NAV3: variants seen among roughly 807,000 people sequenced by gnomAD.
NAV3 encodes pore membrane and/or filament interacting like protein 1.
A neutral mutation model predicts 244.7 loss-of-function variants in NAV3; 87 were observed. The observed-to-expected ratio is 0.36, with a 90% CI of 0.30 to 0.42. The LOEUF is 0.42. Among genes scored for constraint, NAV3 ranks in the 20% least tolerant of loss-of-function variants. The probability of loss-of-function intolerance (pLI) is 1.00; values close to 1 mark genes in which losing one functional copy is unlikely to be tolerated. For missense variants in NAV3, 2,663 were observed against 2,893.3 expected (o/e 0.92, Z 1.83); for synonymous variants, 1,126 against 1,042.2 (o/e 1.08, Z -1.55).
intron 2 of NAV3, among the ~76,000 whole-genome samples, chr12:77,805,941 A>G (rs1366048666): frequency 1.3e-5 from 2 of 152,078 alleles, no homozygotes; most frequent in Admixed American, 6.6e-5. Context: ...TAGATTTTCT[A>G]GTTTATTTGT....
At chr12:77,729,247 T>C (rs755182106) in intron 2 of NAV3, among the ~76,000 whole-genome samples, 4 of 151,960 alleles carry the variant, frequency 2.6e-5, no homozygotes, top group African/African-American at 4.8e-5. Flanking sequence ...AAGAGAGACC[T>C]AGGCTTGGTA....
chr12:77,877,486 G>T (rs956983442), intron 1 of NAV3, among the ~76,000 whole-genome samples: 1 of 151,992 alleles, frequency 6.6e-6, no homozygotes, highest in Non-Finnish European at 1.5e-5. Flanking sequence ...GTAACAAATA[G>T]CTTGACTGGA....
intron 19 of NAV3, 85 bp from the exon 20 acceptor site, chr12:78,140,197 C>A: frequency 9.3e-7 from 1 of 1,080,728 alleles, no homozygotes; most frequent in Non-Finnish European, 1.4e-6. Context: ...TCCCTAACCA[C>A]CCGTTCTTTA....
chr12:77,891,255 A>G (rs1393498101), intron 1 of NAV3, among the ~76,000 whole-genome samples: 1 of 149,452 alleles, frequency 6.7e-6, no homozygotes, highest in Non-Finnish European at 1.5e-5. Flanking sequence ...AGATAAATAC[A>G]TTTATAAAGA....
At chr12:78,053,191 G>A (rs1883008381) in intron 11 of NAV3, among the ~76,000 whole-genome samples, 2 of 151,070 alleles carry the variant, frequency 1.3e-5, no homozygotes, top group Non-Finnish European at 2.9e-5. Flanking sequence ...ACTCCAGCCT[G>A]GGTGACAGAG....
intron 34 of NAV3, 147 bp downstream of exon 34, chr12:78,190,366 T>C (rs1282611831): frequency 1.5e-6 from 1 of 668,012 alleles, no homozygotes; most frequent in Non-Finnish European, 2.5e-6. Flanking sequence ...TGGTGAGTGA[T>C]CAAACTCTGT....
chr12:77,995,521 CA>C, intron 6 of NAV3, among the ~76,000 whole-genome samples: 1 of 152,258 alleles, frequency 6.6e-6, no homozygotes, highest in South Asian at 2.1e-4. Context: ...AAAACCACAG[CA>C]AAAGAGTTTT....
At chr12:77,956,746 T>G (rs1298744244) in intron 3 of NAV3, among the ~76,000 whole-genome samples, 4 of 151,734 alleles carry the variant, frequency 2.6e-5, no homozygotes, top group Non-Finnish European at 5.9e-5. Context: ...ATTTATTTAT[T>G]TATTTATTTA....
chr12:78,031,920 G>T (rs1218602066), intron 9 of NAV3, among the ~76,000 whole-genome samples: 2 of 151,802 alleles, frequency 1.3e-5, no homozygotes, highest in Non-Finnish European at 2.9e-5. Context: ...AAGAGAAGTG[G>T]TCTCTTTTTC....
At chr12:77,810,151 C>A (rs1260502057) in intron 2 of NAV3, among the ~76,000 whole-genome samples, 8 of 151,744 alleles carry the variant, frequency 5.3e-5, no homozygotes, top group Admixed American at 3.3e-4. Flanking sequence ...TGTACAAGAC[C>A]CATTATATGT....
chr12:78,144,912 C>CAA lies in NAV3; in HGVS notation c.4684-1423_4684-1422dup, dbSNP rs755345560. ...TGAGTGATAGATCAAGATCCTGTCT[C>CAA]AAAAAAAAAAAAAAAAAAAAAAAAA... is the stretch of plus-strand genomic sequence containing the variant. On this transcript the variant is annotated intron_variant, in intron 20 of 39. Transcript: ENST00000397909. 284 of 66,264 alleles carry CAA rather than the reference C, an allele frequency of 4.3e-3. 9 individuals are homozygous for CAA. The highest frequency in any genetic ancestry group is 5.5e-3 in the African/African-American group (76 of 13,908). 4.1% of individuals were successfully genotyped at this position (66,264 alleles called of 1,614,324 possible).
At chr12:78,205,162 TC>T (rs1960161264) in intron 39 of NAV3, 24 bp downstream of exon 39, 7 of 1,603,580 alleles carry the variant, frequency 4.4e-6, no homozygotes, top group Non-Finnish European at 6.0e-6. Context: ...GTTCATTTCT[TC>T]CTATGTAATC....
chr12:78,202,518 G>A (rs1378720528), intron 38 of NAV3, among the ~76,000 whole-genome samples: 1 of 151,876 alleles, frequency 6.6e-6, no homozygotes, highest in East Asian at 1.9e-4. Flanking sequence ...AACATTATTT[G>A]GAGAATTATA....
Position 78,190,241 on chromosome 12 carries a change from G to A in NAV3, c.6291+22G>A. 1.9e-6 allele frequency: 3 copies of A among 1,574,112 alleles called. No individual in the cohort carries two copies. The South Asian group carries it at 3.4e-5, about 18-fold the overall frequency. On this transcript the variant is annotated intron_variant, in intron 34 of 39. Coordinates refer to ENST00000397909, the MANE Select transcript of NAV3 (RefSeq NM_001024383.2). ...TAAGGTATGTTACAGAATTCTAAGA[G>A]AACAGCTACAATTTATCCATAAGTG...
chr12:77,837,892 T>G (rs913030997), intron 1 of NAV3, among the ~76,000 whole-genome samples: 9 of 152,188 alleles, frequency 5.9e-5, no homozygotes, highest in Admixed American at 3.3e-4. Flanking sequence ...AGGAACCCCA[T>G]GTTAGAAATA....
intron 2 of NAV3, among the ~76,000 whole-genome samples, chr12:77,621,152 G>A (rs1871354179): frequency 6.6e-6 from 1 of 152,140 alleles, no homozygotes; most frequent in African/African-American, 2.4e-5. Context: ...AAACAACTCT[G>A]TTTATCTTCT....
At chr12:77,813,316 A>G (rs1054534709) in intron 2 of NAV3, among the ~76,000 whole-genome samples, 3 of 152,034 alleles carry the variant, frequency 2.0e-5, no homozygotes, top group Admixed American at 6.6e-5. Flanking sequence ...GCAATTGATT[A>G]CTGTCTTGGT....
At chr12:77,700,249 C>T (rs1875501452) in intron 2 of NAV3, among the ~76,000 whole-genome samples, 1 of 152,072 alleles carries the variant, frequency 6.6e-6, no homozygotes, top group African/African-American at 2.4e-5. Flanking sequence ...AAATCTCATC[C>T]TTGAAATGAC....
At chr12:77,867,048 C>T (rs774277082) in intron 1 of NAV3, among the ~76,000 whole-genome samples, 3 of 152,180 alleles carry the variant, frequency 2.0e-5, no homozygotes, top group Non-Finnish European at 2.9e-5. Context: ...CTAAAACACT[C>T]AAGTAACTAG....
Sources: allele counts gnomAD v4.1 joint callset (sites outside exome capture counted in the v4.1 genomes callset), GRCh38; gene constraint gnomAD v4.1.1; transcripts MANE v1.5; gene names NCBI Gene and HGNC (gene_info 2026-07-23, HGNC 2026-07-21).